SENP1: variants seen among roughly 807,000 people sequenced by gnomAD.
The protein encoded by SENP1 is sentrin-specific protease 1.
A neutral mutation model predicts 93.0 loss-of-function variants in SENP1; 21 were observed. The observed-to-expected ratio is 0.23, with a 90% CI of 0.16 to 0.33. The LOEUF is 0.33. SENP1 is among the 10% of genes least tolerant of loss of function. SENP1 has a pLI of 1.00. For missense variants in SENP1, 591 were observed against 758.7 expected (o/e 0.78, Z 2.60); for synonymous variants, 256 against 259.6 (o/e 0.99, Z 0.13).
chr12:48,091,838 C>A (rs1352727702), intron 4 of SENP1, among the ~76,000 whole-genome samples: 1 of 151,878 alleles, frequency 6.6e-6, no homozygotes, highest in Non-Finnish European at 1.5e-5. Flanking sequence ...GTTACCATGT[C>A]CAGGTAATTT....
chr12:48,093,479 T>C (rs1945349511), intron 4 of SENP1, among the ~76,000 whole-genome samples: 1 of 151,998 alleles, frequency 6.6e-6, no homozygotes, highest in Non-Finnish European at 1.5e-5. Flanking sequence ...AGACAGGGTT[T>C]TACCATGTTG....
intron 4 of SENP1, among the ~76,000 whole-genome samples, chr12:48,092,627 T>A (rs1342730504): frequency 6.6e-6 from 1 of 152,196 alleles, no homozygotes; most frequent in Non-Finnish European, 1.5e-5. Flanking sequence ...ATGACTTTAT[T>A]ATTTACTATT....
intron 4 of SENP1, among the ~76,000 whole-genome samples, chr12:48,089,552 A>AT (rs1199123658): frequency 6.6e-6 from 1 of 152,228 alleles, no homozygotes; most frequent in African/African-American, 2.4e-5. Flanking sequence ...TAATGCCATA[A>AT]TCAAACATAT....
chr12:48,084,529 A>C (rs1592425834), intron 5 of SENP1, among the ~76,000 whole-genome samples: 1 of 148,548 alleles, frequency 6.7e-6, no homozygotes, highest in Non-Finnish European at 1.5e-5. Flanking sequence ...GCTCACAGCA[A>C]CCTCCACCTC....
intron 1 of SENP1, chr12:48,105,589 G>A: frequency 2.1e-6 from 1 of 466,856 alleles, no homozygotes; most frequent in South Asian, 1.6e-5. Flanking sequence ...AATATCACTC[G>A]GGTCTCAAGG....
intron 6 of SENP1, among the ~76,000 whole-genome samples, chr12:48,075,904 C>T (rs1944034075): frequency 6.6e-6 from 1 of 152,102 alleles, no homozygotes; most frequent in Non-Finnish European, 1.5e-5. Flanking sequence ...GAAGTCAGTC[C>T]TAGAAATATA....
chr12:48,047,903 A>G, intron 15 of SENP1, 98 bp downstream of exon 15: 3 of 741,744 alleles, frequency 4.0e-6, no homozygotes, highest in Non-Finnish European at 4.7e-6. Context: ...GATTTTATCA[A>G]TCACTCCATT....
chr12:48,092,160 G>C (rs537493600), intron 4 of SENP1, among the ~76,000 whole-genome samples: 1 of 152,142 alleles, frequency 6.6e-6, no homozygotes, highest in Admixed American at 6.5e-5. Context: ...GGGCCTTGCT[G>C]CTCATTTTCA....
At chr12:48,082,655 T>C (rs185549102) in intron 6 of SENP1, among the ~76,000 whole-genome samples, 3 of 152,376 alleles carry the variant, frequency 2.0e-5, no homozygotes, top group Admixed American at 6.5e-5. Flanking sequence ...CTAACAGATA[T>C]GTGCACACAT....
At chr12:48,085,542 C>T in intron 5 of SENP1, 1 of 500,164 alleles carries the variant, frequency 2.0e-6, no homozygotes, top group Non-Finnish European at 3.6e-6. Flanking sequence ...CCTGCCCCTT[C>T]CCACTCCATT....
At chr12:48,083,894 G>A in intron 5 of SENP1, 132 bp from the exon 6 acceptor site, 1 of 609,546 alleles carries the variant, frequency 1.6e-6, no homozygotes, top group East Asian at 3.0e-5. Context: ...TCCCATTTGA[G>A]GGAAAGATAC....
At chr12:48,065,040 T>C (rs750192775) in intron 12 of SENP1, 25 bp downstream of exon 12, 3 of 1,465,478 alleles carry the variant, frequency 2.0e-6, no homozygotes, top group South Asian at 2.3e-5. Flanking sequence ...CTTAGTAGTG[T>C]AGAAATTAAG....
chr12:48,060,652 A>G (rs989574248), intron 13 of SENP1, among the ~76,000 whole-genome samples: 1 of 152,146 alleles, frequency 6.6e-6, no homozygotes, highest in Non-Finnish European at 1.5e-5. Flanking sequence ...TTGCACAATC[A>G]TAACTCACTG....
intron 6 of SENP1, among the ~76,000 whole-genome samples, chr12:48,075,760 C>T (rs1944024707): frequency 6.6e-6 from 1 of 151,642 alleles, no homozygotes; most frequent in Non-Finnish European, 1.5e-5. Flanking sequence ...AGGAATCAAA[C>T]AAAAAACCAG....
intron 5 of SENP1, among the ~76,000 whole-genome samples, chr12:48,088,056 C>CT (rs72405174): frequency 6.2e-4 from 91 of 146,712 alleles, no homozygotes; most frequent in South Asian, 8.6e-4. Context: ...CTGTGACTAT[C>CT]TTTTTTTTTT....
chr12:48,091,245 T>C (rs532655968), intron 4 of SENP1, among the ~76,000 whole-genome samples: 2 of 151,836 alleles, frequency 1.3e-5, no homozygotes, highest in East Asian at 3.9e-4. Flanking sequence ...AGGCCAGGAG[T>C]TCAACACCAG....
intron 3 of SENP1, among the ~76,000 whole-genome samples, chr12:48,097,299 T>C (rs755234323): frequency 5.1e-4 from 77 of 152,298 alleles, no homozygotes; most frequent in Non-Finnish European, 8.7e-4. Context: ...TGTGTGGATA[T>C]ATATTAACTA....
chr12:48,105,737 T>G (rs1050918245), intron 1 of SENP1: 1 of 521,784 alleles, frequency 1.9e-6, no homozygotes, highest in African/African-American at 1.9e-5. Flanking sequence ...GGCGCTGGGA[T>G]GGGGCCTGCT....
intron 9 of SENP1, among the ~76,000 whole-genome samples, chr12:48,067,719 A>G (rs924907588): frequency 6.6e-6 from 1 of 152,142 alleles, no homozygotes; most frequent in African/African-American, 2.4e-5. Flanking sequence ...CATTCCTGTA[A>G]TCCCAGTGCT....
Sources: allele counts gnomAD v4.1 joint callset (sites outside exome capture counted in the v4.1 genomes callset), GRCh38; gene constraint gnomAD v4.1.1; transcripts MANE v1.5; gene names NCBI Gene and HGNC (gene_info 2026-07-23, HGNC 2026-07-21).